CDIN1: variants seen among roughly 807,000 people sequenced by gnomAD.
CDIN1 encodes the protein CDAN1 interacting nuclease 1.
CDIN1 carries 33 observed loss-of-function variants against 45.3 expected under a neutral mutation model. That is an observed-to-expected ratio of 0.73 (90% confidence interval 0.55 to 0.97). The LOEUF (loss-of-function observed/expected upper bound fraction) is 0.97. CDIN1 is among the 50% of genes least tolerant of loss of function. The probability of loss-of-function intolerance (pLI) is 0.00; values close to 1 mark genes in which losing one functional copy is unlikely to be tolerated. For synonymous variants in CDIN1, 118 were observed against 124.4 expected (o/e 0.95, Z 0.34); for missense variants, 303 against 339.4 (o/e 0.89, Z 0.84).
chr15:36,788,853 A>G (rs1353493833), intron 10 of CDIN1, among the ~76,000 whole-genome samples: 1 of 152,196 alleles, frequency 6.6e-6, no homozygotes, highest in Non-Finnish European at 1.5e-5. Flanking sequence ...TCTGAACAAG[A>G]AATCAGAAGA....
At chr15:36,613,393 A>G in intron 1 of CDIN1, 1 of 1,035,544 alleles carries the variant, frequency 9.7e-7, no homozygotes. Context: ...TGTCTTAAGA[A>G]CTCAGTTTTG....
chr15:36,809,219 G>A lies in CDIN1; in HGVS notation c.*766G>A. The A allele has an allele frequency of 3.8e-6, 1 of 265,538 alleles. No homozygotes were observed. The highest frequency in any genetic ancestry group is 3.9e-5 in the South Asian group (1 of 25,718). The allele number at this position is 265,538 out of a possible 1,614,324, so 16.4% of individuals were successfully genotyped here. A position where few individuals can be genotyped will look rare whatever the true frequency, so the allele number is the denominator to read the frequency against. ...TGGAAACCACACTCCTTTAGATTGGGGGCCGAGAGGCGACAACCCAACATT... is the reference window on the plus strand; with the variant it reads ...TGGAAACCACACTCCTTTAGATTGGAGGCCGAGAGGCGACAACCCAACATT... On this transcript the variant is annotated 3_prime_UTR_variant, in exon 11 of 11. Transcript: ENST00000566621.
At chr15:36,621,331 G>A (rs770251940) in intron 1 of CDIN1, among the ~76,000 whole-genome samples, 1 of 152,132 alleles carries the variant, frequency 6.6e-6, no homozygotes, top group African/African-American at 2.4e-5. Context: ...TTGGAGATAC[G>A]TATTAGCGAT....
chr15:36,675,900 C>T (rs535835807), intron 5 of CDIN1, among the ~76,000 whole-genome samples: 2 of 152,166 alleles, frequency 1.3e-5, no homozygotes, highest in Non-Finnish European at 2.9e-5. Flanking sequence ...ATGAAGCTGA[C>T]CTGTACCTCG....
At chr15:36,619,525 A>G (rs1010144450) in intron 1 of CDIN1, among the ~76,000 whole-genome samples, 3 of 151,684 alleles carry the variant, frequency 2.0e-5, no homozygotes, top group Non-Finnish European at 4.4e-5. Flanking sequence ...CTATCCATCC[A>G]TCCACACACA....
intron 1 of CDIN1, among the ~76,000 whole-genome samples, chr15:36,625,230 G>A (rs957126353): frequency 6.6e-5 from 10 of 151,504 alleles, no homozygotes; most frequent in Non-Finnish European, 1.2e-4. Flanking sequence ...GTAGTGAGCC[G>A]AGATTGCGCC....
intron 8 of CDIN1, among the ~76,000 whole-genome samples, chr15:36,698,281 A>G (rs78413735): frequency 0.022 from 3,315 of 152,302 alleles, 138 homozygotes; most frequent in African/African-American, 0.074. Flanking sequence ...TTAATGTTCA[A>G]TGTTTTTATT....
chr15:36,586,708 A>G (rs1465913133), intron 1 of CDIN1, among the ~76,000 whole-genome samples: 1 of 152,198 alleles, frequency 6.6e-6, no homozygotes, highest in African/African-American at 2.4e-5. Flanking sequence ...GTGCCTGTGA[A>G]TAGCCACTGT....
At chr15:36,702,133 A>G in intron 8 of CDIN1, 1 of 702,102 alleles carries the variant, frequency 1.4e-6, no homozygotes, top group Non-Finnish European at 2.6e-6. Context: ...ATGTAGGCTG[A>G]AGGGAATGGA....
chr15:36,668,818 TG>T (rs1361495485), intron 5 of CDIN1, among the ~76,000 whole-genome samples: 2 of 152,130 alleles, frequency 1.3e-5, no homozygotes, highest in East Asian at 3.8e-4. Flanking sequence ...AGCCCTAGTT[TG>T]CTCTTCTTTA....
intron 10 of CDIN1, among the ~76,000 whole-genome samples, chr15:36,797,626 C>A (rs74008789): frequency 0.018 from 2,794 of 152,242 alleles, 88 homozygotes; most frequent in African/African-American, 0.064. Flanking sequence ...TCTTGCAATT[C>A]GCTCTTCAGA....
chr15:36,595,165 G>C (rs961556324), intron 1 of CDIN1, among the ~76,000 whole-genome samples: 1 of 151,680 alleles, frequency 6.6e-6, no homozygotes, highest in East Asian at 1.9e-4. Context: ...TAAGCAGTTT[G>C]TGCCTTTATC....
At chr15:36,678,653 C>T (rs1450441375) in intron 5 of CDIN1, among the ~76,000 whole-genome samples, 1 of 152,184 alleles carries the variant, frequency 6.6e-6, no homozygotes, top group African/African-American at 2.4e-5. Context: ...TTTCTTCTCC[C>T]TGACTGCTGC....
chr15:36,785,579 T>C (rs2054468586), intron 10 of CDIN1, among the ~76,000 whole-genome samples: 1 of 152,178 alleles, frequency 6.6e-6, no homozygotes, highest in East Asian at 1.9e-4. Flanking sequence ...GAAGAGCCAC[T>C]GATCAGTGCC....
chr15:36,666,328 G>A (rs2041247735), intron 5 of CDIN1, among the ~76,000 whole-genome samples: 1 of 152,088 alleles, frequency 6.6e-6, no homozygotes, highest in Admixed American at 6.6e-5. Flanking sequence ...AATTATCATG[G>A]CTGGTATTTT....
chr15:36,805,446 A>G (rs1271736237), intron 10 of CDIN1, among the ~76,000 whole-genome samples: 3 of 152,106 alleles, frequency 2.0e-5, no homozygotes, highest in Non-Finnish European at 4.4e-5. Context: ...ATTGGTCACA[A>G]AGGTTGTATT....
chr15:36,610,779 A>G (rs1318340290), intron 1 of CDIN1, among the ~76,000 whole-genome samples: 1 of 152,204 alleles, frequency 6.6e-6, no homozygotes, highest in East Asian at 1.9e-4. Flanking sequence ...TCTAAATGAC[A>G]AATCATTCCA....
At chr15:36,701,118 GTAGGTAGATAGATAGATAGATAGATAGA>G (rs1205520160) in intron 8 of CDIN1, among the ~76,000 whole-genome samples, 2 of 107,026 alleles carry the variant, frequency 1.9e-5, no homozygotes, top group South Asian at 2.9e-4. Context: ...AGATAGATAG[GTAGGTAGATAGATAGATAGATAGATAGA>G]TAGATAGATA....
intron 10 of CDIN1, among the ~76,000 whole-genome samples, chr15:36,806,929 G>A (rs1332457999): frequency 1.3e-5 from 2 of 152,044 alleles, no homozygotes; most frequent in African/African-American, 4.8e-5. Flanking sequence ...TCTTCTTTGG[G>A]GATGCTGAGG....
Sources: allele counts gnomAD v4.1 joint callset (sites outside exome capture counted in the v4.1 genomes callset), GRCh38; gene constraint gnomAD v4.1.1; transcripts MANE v1.5; gene names NCBI Gene and HGNC (gene_info 2026-07-23, HGNC 2026-07-21).